Variants in RABGEF1 observed in about 807,000 individuals in gnomAD.
The protein encoded by RABGEF1 is RAB guanine nucleotide exchange factor 1.
A neutral mutation model predicts 57.3 loss-of-function variants in RABGEF1; 26 were observed. The ratio of observed to expected loss-of-function variants is 0.45; its 90% CI spans 0.33 to 0.63. The LOEUF is 0.63. RABGEF1 is among the 20% of genes least tolerant of loss of function. The pLI, the probability that RABGEF1 is intolerant of heterozygous loss-of-function variation, is 0.02. For missense variants in RABGEF1, 464 were observed against 607.6 expected (o/e 0.76, Z 2.48); for synonymous variants, 185 against 210.7 (o/e 0.88, Z 1.06).
intron 2 of RABGEF1, among the ~76,000 whole-genome samples, chr7:66,721,929 T>C (rs1222605641): frequency 6.6e-6 from 1 of 152,074 alleles, no homozygotes; most frequent in African/African-American, 2.4e-5. Context: ...GGTGGGAGGA[T>C]CACTTTGAGG....
At chr7:66,722,408 C>T (rs1211390248) in intron 2 of RABGEF1, among the ~76,000 whole-genome samples, 1 of 152,082 alleles carries the variant, frequency 6.6e-6, no homozygotes, top group Non-Finnish European at 1.5e-5. Flanking sequence ...CCATTGCACG[C>T]CAGCCTGGAT....
In RABGEF1 at chr7:66,766,747, CAG is replaced by C. The variant is rs1246153996; in HGVS notation, c.-17-5135_-17-5134del. Among the ~76,000 whole-genome samples, 10 of 127,008 alleles carry C rather than the reference CAG, an allele frequency of 7.9e-5. No individual in the cohort carries two copies. The East Asian group carries it at 2.4e-3, about 31-fold the overall frequency. 83.3% of individuals were successfully genotyped at this position (127,008 alleles called of 152,430 possible). A position where few individuals can be genotyped will look rare whatever the true frequency, so the allele number is the denominator to read the frequency against. On this transcript the variant is annotated intron_variant, in intron 1 of 8. Transcript: ENST00000284957. Reference sequence around the variant, plus strand: ...TTTATTTATTTATTTATTTTCGAGACAGGGTTTCACTCTGTTGCGCAGGCTGG... The same window carrying C: ...TTTATTTATTTATTTATTTTCGAGACGGTTTCACTCTGTTGCGCAGGCTGG...
chr7:66,724,726 A>G (rs575348459), intron 2 of RABGEF1, among the ~76,000 whole-genome samples: 1 of 152,202 alleles, frequency 6.6e-6, no homozygotes, highest in African/African-American at 2.4e-5. Context: ...GTTTTCATCA[A>G]ATTTATAGTT....
chr7:66,751,283 G>A (rs565081812), intron 1 of RABGEF1, among the ~76,000 whole-genome samples: 4 of 152,096 alleles, frequency 2.6e-5, no homozygotes, highest in Non-Finnish European at 5.9e-5. Context: ...CGCCTGCCTC[G>A]GCCTCCCAAA....
At chr7:66,680,732 A>C (rs1456190584), upstream of RABGEF1, among the ~76,000 whole-genome samples, 1 of 152,124 alleles carries the variant, frequency 6.6e-6, no homozygotes, top group Non-Finnish European at 1.5e-5. Context: ...GGATGATTTG[A>C]GGTCAGGAGT....
chr7:66,661,297 T>TAAAAAAA, the RABGEF1 span, among the ~76,000 whole-genome samples: 2 of 8,736 alleles, frequency 2.3e-4, no homozygotes, highest in African/African-American at 1.0e-3. Flanking sequence ...AGACTCCATC[T>TAAAAAAA]CAAAAAAAAA....
At chr7:66,708,291 A>G (rs1168735771) in intron 1 of RABGEF1, among the ~76,000 whole-genome samples, 1 of 146,400 alleles carries the variant, frequency 6.8e-6, no homozygotes, top group Non-Finnish European at 1.5e-5. Context: ...TTTTTTTCCT[A>G]ATTTTTTCTT....
intron 1 of RABGEF1, among the ~76,000 whole-genome samples, chr7:66,711,349 A>G (rs1027792045): frequency 1.5e-4 from 23 of 149,602 alleles, no homozygotes; most frequent in Admixed American, 2.7e-4. Flanking sequence ...ATTTTTTTCG[A>G]TGTTTTCTTC....
chr7:66,786,664 A>G (rs751903487), intron 4 of RABGEF1, among the ~76,000 whole-genome samples: 4 of 152,200 alleles, frequency 2.6e-5, no homozygotes, highest in African/African-American at 4.8e-5. Context: ...TTGGCCTCCC[A>G]AAGAGCTGGG....
At chr7:66,661,573 A>T in the RABGEF1 span, among the ~76,000 whole-genome samples, 1 of 152,002 alleles carries the variant, frequency 6.6e-6, no homozygotes, top group Non-Finnish European at 1.5e-5. Flanking sequence ...GTCTTCTCAA[A>T]AAAAAAGAAA....
chr7:66,769,341 C>T (rs935982468), intron 1 of RABGEF1, among the ~76,000 whole-genome samples: 1 of 152,226 alleles, frequency 6.6e-6, no homozygotes, highest in Admixed American at 6.5e-5. Flanking sequence ...GTTTTTCTTC[C>T]TTGTTTTCAT....
intron 4 of RABGEF1, among the ~76,000 whole-genome samples, chr7:66,794,763 T>G (rs1813610419): frequency 6.6e-6 from 1 of 152,110 alleles, no homozygotes; most frequent in Non-Finnish European, 1.5e-5. Flanking sequence ...AAGATAGTCC[T>G]TACAAAATTA....
At position 66,740,734 on chromosome 7, in the gene RABGEF1, G is replaced by A. The variant is rs1037190925; in HGVS notation, c.-76G>A. ...AGGCGGGAGCTGGCCGCGGAGCCCA[G>A]ACCTACCCGGGCGAAGCGGGCGAGC... On this transcript the variant is annotated 5_prime_UTR_variant, in exon 1 of 9. Transcript: ENST00000284957. 1.3e-5 allele frequency: 2 copies of A among 152,794 alleles called. No homozygotes were observed. Among genetic ancestry groups the A allele is most frequent in the African/African-American group, 2.4e-5 (1 of 41,478 alleles). 9.5% of individuals were successfully genotyped at this position (152,794 alleles called of 1,614,324 possible). A position where few individuals can be genotyped will look rare whatever the true frequency, so the allele number is the denominator to read the frequency against.
the RABGEF1 span, among the ~76,000 whole-genome samples, chr7:66,654,995 G>A: frequency 1.3e-5 from 2 of 152,216 alleles, no homozygotes; most frequent in Non-Finnish European, 2.9e-5. Context: ...CGTCCAGGAC[G>A]CTGGCTCCGA....
At chr7:66,667,243 G>A in the RABGEF1 span, among the ~76,000 whole-genome samples, 1 of 152,210 alleles carries the variant, frequency 6.6e-6, no homozygotes, top group African/African-American at 2.4e-5. Context: ...CACGGGCTGA[G>A]ACTCAGGGGC....
At chr7:66,670,874 T>G in the RABGEF1 span, among the ~76,000 whole-genome samples, 5 of 148,800 alleles carry the variant, frequency 3.4e-5, no homozygotes, top group Non-Finnish European at 6.0e-5. Context: ...TTATTTTTAT[T>G]TATTTAATAC....
intron 8 of RABGEF1, among the ~76,000 whole-genome samples, chr7:66,806,743 A>C (rs1268887736): frequency 6.7e-6 from 1 of 148,276 alleles, no homozygotes; most frequent in Non-Finnish European, 1.5e-5. Flanking sequence ...TCCTGGGTTC[A>C]AGTGATTCTC....
the RABGEF1 span, among the ~76,000 whole-genome samples, chr7:66,656,297 T>C: frequency 1.3e-5 from 2 of 152,068 alleles, no homozygotes; most frequent in Admixed American, 6.6e-5. Flanking sequence ...TTAAATATTT[T>C]GTAAAGATGG....
intron 7 of RABGEF1, among the ~76,000 whole-genome samples, chr7:66,802,931 T>G (rs1333796236): frequency 1.3e-5 from 2 of 151,636 alleles, no homozygotes; most frequent in Non-Finnish European, 2.9e-5. Context: ...AACAAGAAAG[T>G]AGTTTAAATA....
Sources: gnomAD v4.1 joint callset for allele counts (sites outside exome capture counted in the v4.1 genomes callset) on GRCh38, gnomAD v4.1.1 for gene constraint, MANE v1.5 for transcripts, NCBI Gene and HGNC (gene_info 2026-07-23, HGNC 2026-07-21) for gene names.